Variants in NRG2 observed in about 807,000 individuals in gnomAD.
The protein encoded by NRG2 is neuregulin 2.
A neutral mutation model predicts 73.9 loss-of-function variants in NRG2; 27 were observed. The ratio of observed to expected loss-of-function variants is 0.37; its 90% CI spans 0.27 to 0.50. The LOEUF (loss-of-function observed/expected upper bound fraction) is 0.50. Ranked by LOEUF, NRG2 falls within the 20% of genes least tolerant of loss-of-function variation. The pLI, the probability that NRG2 is intolerant of heterozygous loss-of-function variation, is 0.96. For synonymous variants in NRG2, 532 were observed against 541.0 expected, an observed-to-expected ratio of 0.98 and a Z score of 0.23; for missense variants, 1,126 against 1,210.1, an observed-to-expected ratio of 0.93 and a Z score of 1.03.
chr5:139,990,611 T>C (rs572565700), intron 1 of NRG2, among the ~76,000 whole-genome samples: 1 of 152,306 alleles, frequency 6.6e-6, no homozygotes, highest in East Asian at 1.9e-4. Context: ...CAGCACCCAC[T>C]AGCAATTTTG....
At position 140,029,687 on chromosome 5, in the gene NRG2, C is replaced by CAAAAAAAAAAAAAAAAAAAAA. The variant is rs34122778; in HGVS notation, c.700+12682_700+12683insTTTTTTTTTTTTTTTTTTTTT. 1.5e-3 allele frequency among the ~76,000 whole-genome samples: 90 copies of CAAAAAAAAAAAAAAAAAAAAA among 61,274 alleles called. 5 individuals are homozygous for CAAAAAAAAAAAAAAAAAAAAA. Among genetic ancestry groups the CAAAAAAAAAAAAAAAAAAAAA allele is most frequent in the African/African-American group, 3.5e-3 (65 of 18,468 alleles). The allele number at this position is 61,274 out of a possible 152,430, so 40.2% of individuals were successfully genotyped here. A position where few individuals can be genotyped will look rare whatever the true frequency, so the allele number is the denominator to read the frequency against. On this transcript the variant is annotated intron_variant, in intron 1 of 9. Coordinates refer to ENST00000361474, the MANE Select transcript of NRG2 (RefSeq NM_004883.3). ...TGGGTGACAGAGCAAGACTCTGTCT[C>CAAAAAAAAAAAAAAAAAAAAA]AAAAAAAAAAAAAAAAGCTCCAGCG... is the stretch of plus-strand genomic sequence containing the variant.
At chr5:139,970,425 C>G (rs1372523828) in intron 1 of NRG2, among the ~76,000 whole-genome samples, 1 of 152,128 alleles carries the variant, frequency 6.6e-6, no homozygotes, top group Non-Finnish European at 1.5e-5. Context: ...AAGACTAGAG[C>G]AACATCCCCA....
chr5:139,890,837 A>G (rs1395508368), intron 1 of NRG2, among the ~76,000 whole-genome samples: 1 of 152,218 alleles, frequency 6.6e-6, no homozygotes, highest in Non-Finnish European at 1.5e-5. Flanking sequence ...TGCACATATT[A>G]TAAGTGTATA....
chr5:139,957,327 GT>G (rs1473094774), intron 1 of NRG2, among the ~76,000 whole-genome samples: 2 of 151,766 alleles, frequency 1.3e-5, no homozygotes, highest in African/African-American at 4.8e-5. Context: ...GTGTGTGTGT[GT>G]GTGTGTGTGT....
intron 1 of NRG2, among the ~76,000 whole-genome samples, chr5:139,965,483 C>T (rs961610763): frequency 3.3e-5 from 5 of 152,244 alleles, no homozygotes; most frequent in African/African-American, 1.2e-4. Flanking sequence ...ACAGGGATGG[C>T]AGCAGCAGCC....
chr5:139,985,661 C>T (rs1441432776), intron 1 of NRG2, among the ~76,000 whole-genome samples: 5 of 152,176 alleles, frequency 3.3e-5, no homozygotes, highest in Middle Eastern at 3.2e-3. Context: ...AAGAGGTTTA[C>T]GGACCTTTTG....
chr5:140,017,992 C>T (rs1019775052), intron 1 of NRG2, among the ~76,000 whole-genome samples: 1 of 151,864 alleles, frequency 6.6e-6, no homozygotes, highest in Non-Finnish European at 1.5e-5. Context: ...AAGAGAGGAC[C>T]GATAAGTATA....
At chr5:139,934,598 A>T (rs1317598654) in intron 1 of NRG2, among the ~76,000 whole-genome samples, 1 of 152,270 alleles carries the variant, frequency 6.6e-6, no homozygotes, top group East Asian at 1.9e-4. Flanking sequence ...AACATAGTCA[A>T]ATGGTAGATT....
At position 139,852,469 on chromosome 5, in the gene NRG2, GAGA is replaced by G. The variant is rs1198743313; in HGVS notation, c.1504_1506del (p.Ser502del). On this transcript the variant is annotated inframe_deletion, in exon 8 of 10. Coordinates refer to ENST00000361474, the MANE Select transcript of NRG2 (RefSeq NM_004883.3). The surrounding 1 kb of genome is among the most constrained non-coding windows in gnomAD (Gnocchi z 4.4). ...GTGGGTGTGGCTGTGGAGCAGTGGT[GAGA>G]AGGAGAACAGGAGTGGCTCCCAGAG... is the stretch of plus-strand genomic sequence containing the variant. The G allele has an allele frequency of 3.1e-6, 5 of 1,614,116 alleles. No homozygotes were observed. The highest frequency in any genetic ancestry group is 2.2e-5 in the South Asian group (2 of 91,064).
At chr5:140,042,338 C>A (rs776436189) in intron 1 of NRG2, 32 bp downstream of exon 1, 33 of 1,469,742 alleles carry the variant, frequency 2.2e-5, no homozygotes, top group Non-Finnish European at 2.6e-5. Flanking sequence ...GCCCCTCCCC[C>A]CTTTCTCCAG....
At chr5:140,033,962 C>CT (rs771835768) in intron 1 of NRG2, among the ~76,000 whole-genome samples, 262 of 143,152 alleles carry the variant, frequency 1.8e-3, no homozygotes, top group Middle Eastern at 0.011. Context: ...AGACGGTTTC[C>CT]TTTTTTTTTT....
At chr5:140,010,995 T>TTC (rs1759319260) in intron 1 of NRG2, among the ~76,000 whole-genome samples, 1 of 152,104 alleles carries the variant, frequency 6.6e-6, no homozygotes, top group Non-Finnish European at 1.5e-5. Flanking sequence ...CTATAGAGGG[T>TTC]TCTCCTGGCT....
chr5:139,986,127 T>C (rs1757156557), intron 1 of NRG2, among the ~76,000 whole-genome samples: 1 of 152,186 alleles, frequency 6.6e-6, no homozygotes, highest in South Asian at 2.1e-4. Context: ...CAATCCCTTC[T>C]TGCATCTCCA....
In NRG2 at chr5:140,042,593, C is replaced by T; in HGVS notation, c.477G>A (p.Ala159=). Residue 159 remains alanine, a synonymous_variant, in exon 1 of 10, where the codon GCG becomes GCA. Transcript: ENST00000361474. The stretch of plus-strand genomic sequence containing the variant: ...GCCACTTGTCCAGCACCTTTACCAA[C>T]GCCACCCGACCCGAGGCGGGCGGCT... ...TREPPASGRV[A]LVKVLDKWPL... The T allele has an allele frequency of 1.2e-6, 2 of 1,612,388 alleles. No homozygotes were observed. The highest frequency in any genetic ancestry group is 2.2e-5 in the East Asian group (1 of 44,834).
chr5:140,005,213 A>G (rs1321428244), intron 1 of NRG2, among the ~76,000 whole-genome samples: 1 of 152,168 alleles, frequency 6.6e-6, no homozygotes, highest in Non-Finnish European at 1.5e-5. Flanking sequence ...GTCTTCCCAT[A>G]TATAAGAACT....
chr5:139,943,629 T>C (rs1171183409), intron 1 of NRG2, among the ~76,000 whole-genome samples: 1 of 152,266 alleles, frequency 6.6e-6, no homozygotes, highest in African/African-American at 2.4e-5. Flanking sequence ...GTAATAAAGC[T>C]AATTATCATC....
At chr5:139,928,865 T>C (rs1316032449) in intron 1 of NRG2, among the ~76,000 whole-genome samples, 2 of 152,236 alleles carry the variant, frequency 1.3e-5, no homozygotes, top group Non-Finnish European at 2.9e-5. Context: ...CATCACATCC[T>C]GTCACTAGCT....
intron 1 of NRG2, among the ~76,000 whole-genome samples, chr5:139,951,445 C>T (rs1414988536): frequency 2.0e-5 from 3 of 152,190 alleles, no homozygotes; most frequent in Non-Finnish European, 4.4e-5. Context: ...TCACCCCCTG[C>T]TGCCTCTCTG....
At chr5:139,858,331 A>G (rs1200666791) in intron 5 of NRG2, among the ~76,000 whole-genome samples, 1 of 152,174 alleles carries the variant, frequency 6.6e-6, no homozygotes, top group African/African-American at 2.4e-5. Context: ...GGTTGTTTGC[A>G]GGGTTGGCCA....
Sources: allele counts gnomAD v4.1 joint callset (sites outside exome capture counted in the v4.1 genomes callset), GRCh38; gene constraint gnomAD v4.1.1; non-coding constraint Gnocchi (gnomAD v3.1); transcripts MANE v1.5; gene names NCBI Gene and HGNC (gene_info 2026-07-23, HGNC 2026-07-21).